The following BLK variants were observed in gnomAD, a reference collection of about 807,000 sequenced individuals.
BLK encodes the protein BLK proto-oncogene, Src family tyrosine kinase.
Under a neutral mutation model 61.8 loss-of-function variants are expected in BLK, and 64 were observed. That is an observed-to-expected ratio of 1.03 (90% CI 0.85 to 1.27). The LOEUF (loss-of-function observed/expected upper bound fraction) is 1.27. Ranked by LOEUF, BLK falls within the 50% of genes most tolerant of loss-of-function variation. The pLI is 0.00. For synonymous variants in BLK, 351 were observed against 272.0 expected, an observed-to-expected ratio of 1.29 and a Z score of -2.86; for missense variants, 853 against 660.5, an observed-to-expected ratio of 1.29 and a Z score of -3.19.
chr8:11,525,017 T>C (rs183808306), intron 1 of BLK, among the ~76,000 whole-genome samples: 187 of 152,270 alleles, frequency 1.2e-3, no homozygotes, highest in African/African-American at 4.1e-3. Flanking sequence ...TTCACTCTAT[T>C]TTCTGAATTT....
At chr8:11,535,288 G>GAAAC (rs1372394157) in intron 1 of BLK, among the ~76,000 whole-genome samples, 1 of 141,652 alleles carries the variant, frequency 7.1e-6, no homozygotes, top group Non-Finnish European at 1.5e-5. Context: ...AAGAAAGAAA[G>GAAAC]AAAGAAAGAA....
At chr8:11,560,182 CATGGATGGATGGATGGATGGATGG>C (rs1167659682) in intron 10 of BLK, among the ~76,000 whole-genome samples, 2 of 41,136 alleles carry the variant, frequency 4.9e-5, no homozygotes, top group Non-Finnish European at 8.6e-5. Context: ...TGGATGGATG[CATGGATGGATGGATGGATGGATGG>C]ATGGATGGAT....
In BLK at chr8:11,550,163, T is replaced by A; in HGVS notation, c.373T>A (p.Phe125Ile). The change falls in exon 6 of 13, where the codon TTC (phenylalanine) becomes ATC (isoleucine). Residue 125 changes from phenylalanine to isoleucine, a missense_variant. Transcript: ENST00000259089. ...CCTGTTCCTGCCGTTTTCCAGGTGG[T>A]TCTTTAGATCACAGGGTCGGAAGGA... is the stretch of plus-strand genomic sequence containing the variant. ...RVESLEMERW[F>I]FRSQGRKEAE... is the part of the protein sequence containing the mutation. The A allele has an allele frequency of 1.9e-6, 3 of 1,613,706 alleles. No homozygotes were observed. Among genetic ancestry groups the A allele is most frequent in the Non-Finnish European group, 2.5e-6 (3 of 1,179,812 alleles).
intron 1 of BLK, among the ~76,000 whole-genome samples, chr8:11,541,160 G>A (rs758358555): frequency 2.6e-5 from 3 of 113,654 alleles, no homozygotes; most frequent in Non-Finnish European, 3.6e-5. Context: ...CCAGCTACTC[G>A]AGAGGCTGAG....
chr8:11,555,924 T>C (rs1801192778), intron 8 of BLK: 1 of 322,588 alleles, frequency 3.1e-6, no homozygotes, highest in East Asian at 7.9e-5. Flanking sequence ...CCAGGCCTGG[T>C]GTCCTCACAT....
intron 1 of BLK, among the ~76,000 whole-genome samples, chr8:11,529,827 G>T (rs1010691855): frequency 3.3e-5 from 5 of 152,198 alleles, no homozygotes; most frequent in Admixed American, 3.3e-4. Flanking sequence ...CACTGTCTCA[G>T]TTGTAATTTT....
intron 2 of BLK, among the ~76,000 whole-genome samples, chr8:11,543,593 C>G (rs1028094420): frequency 2.6e-5 from 4 of 152,184 alleles, no homozygotes; most frequent in African/African-American, 9.7e-5. Context: ...GTAAAAAGGT[C>G]AGCTTGGGGA....
chr8:11,552,031 G>C (rs55772067), intron 6 of BLK, among the ~76,000 whole-genome samples: 1 of 152,172 alleles, frequency 6.6e-6, no homozygotes, highest in Non-Finnish European at 1.5e-5. Flanking sequence ...TAACTGGAGA[G>C]GAGATGGTGA....
At chr8:11,523,925 C>G (rs1382659056) in intron 1 of BLK, among the ~76,000 whole-genome samples, 1 of 151,228 alleles carries the variant, frequency 6.6e-6, no homozygotes, top group East Asian at 1.9e-4. Flanking sequence ...GTAAACCAGT[C>G]TTACCTTTAT....
At chr8:11,512,646 G>A (rs1799062251) in intron 1 of BLK, among the ~76,000 whole-genome samples, 2 of 129,988 alleles carry the variant, frequency 1.5e-5, no homozygotes, top group Admixed American at 1.7e-4. Flanking sequence ...AATTACACAG[G>A]CTTCTGGTTT....
Position 11,564,153 on chromosome 8 carries a change from A to C in BLK, c.*45A>C. 1 of 1,529,220 alleles carries C rather than the reference A, an allele frequency of 6.5e-7. No individual in the cohort carries two copies. The highest frequency in any genetic ancestry group is 8.8e-7 in the Non-Finnish European group (1 of 1,141,500). 94.7% of individuals were successfully genotyped at this position (1,529,220 alleles called of 1,614,324 possible). On this transcript the variant is annotated 3_prime_UTR_variant, in exon 13 of 13. Coordinates refer to ENST00000259089, the MANE Select transcript of BLK (RefSeq NM_001715.3). ...CCCCGTGCCCACCTCTGCGCGGACGACCCCGACTTCCGTGCCATCCCAGAC... is the reference window on the plus strand; with the variant it reads ...CCCCGTGCCCACCTCTGCGCGGACGCCCCCGACTTCCGTGCCATCCCAGAC...
At chr8:11,501,355 CT>C (rs34735987) in intron 1 of BLK, among the ~76,000 whole-genome samples, 93,608 of 145,342 alleles carry the variant, frequency 0.64, 31,703 homozygotes, top group Admixed American at 0.78. Context: ...AACTCTCTCT[CT>C]TTTTTTTTTT....
intron 1 of BLK, among the ~76,000 whole-genome samples, chr8:11,526,362 T>G (rs1427253500): frequency 6.6e-6 from 1 of 152,248 alleles, no homozygotes; most frequent in African/African-American, 2.4e-5. Context: ...TCACAAACAC[T>G]GCTTTCAAAT....
At chr8:11,539,822 T>C (rs192359607) in intron 1 of BLK, among the ~76,000 whole-genome samples, 1 of 152,222 alleles carries the variant, frequency 6.6e-6, no homozygotes, top group African/African-American at 2.4e-5. Context: ...ACAAACATTT[T>C]ACTATTTGGG....
chr8:11,510,387 A>G (rs1227607829), intron 1 of BLK, among the ~76,000 whole-genome samples: 1 of 152,194 alleles, frequency 6.6e-6, no homozygotes, highest in Non-Finnish European at 1.5e-5. Flanking sequence ...ACTCATAAGG[A>G]AACAAACCCC....
chr8:11,525,107 T>A (rs1051074188), intron 1 of BLK, among the ~76,000 whole-genome samples: 2 of 152,202 alleles, frequency 1.3e-5, no homozygotes, highest in Admixed American at 6.5e-5. Flanking sequence ...CCTCCCTGCA[T>A]GGATTGAGCA....
intron 6 of BLK, among the ~76,000 whole-genome samples, chr8:11,550,881 T>A (rs1034826997): frequency 4.6e-5 from 7 of 152,234 alleles, no homozygotes; most frequent in African/African-American, 1.7e-4. Context: ...AAAGCTTGCA[T>A]GAAGTATGAA....
At chr8:11,545,520 G>T (rs1452066457) in intron 2 of BLK, among the ~76,000 whole-genome samples, 1 of 152,140 alleles carries the variant, frequency 6.6e-6, no homozygotes, top group Non-Finnish European at 1.5e-5. Context: ...CTGCACTCCA[G>T]CCTGGGCAAC....
intron 1 of BLK, among the ~76,000 whole-genome samples, chr8:11,531,744 C>A (rs1053148463): frequency 6.6e-6 from 1 of 152,208 alleles, no homozygotes; most frequent in East Asian, 1.9e-4. Context: ...TGTTTATGTT[C>A]ACCTTTTTCT....
Sources: allele counts gnomAD v4.1 joint callset (sites outside exome capture counted in the v4.1 genomes callset), GRCh38; gene constraint gnomAD v4.1.1; transcripts MANE v1.5; gene names NCBI Gene and HGNC (gene_info 2026-07-23, HGNC 2026-07-21).